The following RHOBTB1 variants were observed in gnomAD, a reference collection of about 807,000 sequenced individuals.
RHOBTB1 encodes the protein Rho related BTB domain containing 1, also known as rho-related BTB domain-containing protein 1.
A neutral mutation model predicts 71.6 loss-of-function variants in RHOBTB1; 40 were observed. The ratio of observed to expected loss-of-function variants is 0.56; its 90% CI spans 0.43 to 0.73. The LOEUF is 0.73. Ranked by LOEUF, RHOBTB1 falls within the 30% of genes least tolerant of loss-of-function variation. The probability of loss-of-function intolerance (pLI) is 0.00; values close to 1 mark genes in which losing one functional copy is unlikely to be tolerated. For synonymous variants in RHOBTB1, 319 were observed against 334.9 expected (o/e 0.95, Z 0.52); for missense variants, 797 against 894.0 (o/e 0.89, Z 1.38).
intron 7 of RHOBTB1, among the ~76,000 whole-genome samples, chr10:60,880,734 A>T (rs2081290991): frequency 6.6e-6 from 1 of 152,168 alleles, no homozygotes; most frequent in Admixed American, 6.5e-5. Context: ...TTGGAACATT[A>T]TTCTTCCCTT....
At chr10:60,887,289 T>A (rs1048149045) in intron 6 of RHOBTB1, among the ~76,000 whole-genome samples, 6 of 152,222 alleles carry the variant, frequency 3.9e-5, no homozygotes, top group Non-Finnish European at 7.3e-5. Context: ...AGCTTTAAAA[T>A]GAATGAACTG....
chr10:60,983,438 C>G (rs1217306010), intron 2 of RHOBTB1, among the ~76,000 whole-genome samples: 1 of 152,068 alleles, frequency 6.6e-6, no homozygotes, highest in East Asian at 1.9e-4. Context: ...AAGATGAGAA[C>G]AAAAGCACAT....
chr10:60,872,343 C>G, intron 9 of RHOBTB1, 53 bp from the exon 10 acceptor site: 1 of 1,306,396 alleles, frequency 7.7e-7, no homozygotes, highest in Non-Finnish European at 1.1e-6. Flanking sequence ...AGAGGGGCTA[C>G]AAAGAAATTG....
At chr10:60,975,205 A>G (rs1404503050) in intron 2 of RHOBTB1, among the ~76,000 whole-genome samples, 1 of 152,090 alleles carries the variant, frequency 6.6e-6, no homozygotes, top group Non-Finnish European at 1.5e-5. Flanking sequence ...TGAACTGGTT[A>G]CCAAGTTAGT....
intron 2 of RHOBTB1, among the ~76,000 whole-genome samples, chr10:60,978,012 C>T (rs987804232): frequency 5.3e-5 from 8 of 151,816 alleles, no homozygotes; most frequent in Admixed American, 2.0e-4. Flanking sequence ...AATAAAATGC[C>T]GATATATTTT....
chr10:60,972,375 G>T (rs1354288869), intron 2 of RHOBTB1, among the ~76,000 whole-genome samples: 3 of 152,134 alleles, frequency 2.0e-5, no homozygotes, highest in African/African-American at 7.2e-5. Flanking sequence ...ATGAGTTCCT[G>T]TCTTTTGCAG....
Position 60,875,042 on chromosome 10 carries a change from T to C in RHOBTB1, c.1727A>G (p.Glu576Gly). 6.2e-7 allele frequency: 1 copy of C among 1,613,664 alleles called. No homozygotes were observed. Among genetic ancestry groups the C allele is most frequent in the Non-Finnish European group, 8.5e-7 (1 of 1,179,636 alleles). The part of the protein sequence containing the change: ...FCLPHLVALA[E>G]QHAVQELTKA... ...GGTCAACTCCTGAACGGCATGCTGT[T>C]CTGGGGAAGAGAGAGGGGGCAGGAG... is the stretch of plus-strand genomic sequence containing the variant. The change falls in exon 9 of 11, where the codon GAA becomes GGA. Residue 576 changes from glutamate (E) to glycine (G), a missense_variant and splice_region_variant. Glu to Gly is a moderately conservative substitution (Grantham distance 98). Around this residue, in one of 2 missense-constraint regions of RHOBTB1, gnomAD observed 658 missense variants for 681.5 expected, o/e 0.97. Coordinates refer to ENST00000337910, the MANE Select transcript of RHOBTB1 (RefSeq NM_014836.5).
rs1321602493 is a variant in RHOBTB1, at chr10:60,889,127, G to A, written c.541C>T (p.Leu181Phe). The change falls in exon 6 of 11, where the codon CTT (leucine) becomes TTT (phenylalanine). Residue 181 changes from leucine to phenylalanine, a missense_variant. Leu to Phe is a conservative substitution (Grantham distance 22, BLOSUM62 0). Transcript: ENST00000337910. ...PEKGREVAKE[L>F]GLPYYETSVF... is the part of the protein sequence containing the mutation. ...CTTGTTTCATAGTATGGTAAGCCAA[G>A]TTCCTTTGCTACCTCTCGGCCTTTT... is the stretch of plus-strand genomic sequence containing the variant. 6.8e-6 allele frequency: 11 copies of A among 1,613,918 alleles called. No homozygotes were observed. The highest frequency in any genetic ancestry group is 8.5e-6 in the Non-Finnish European group (10 of 1,179,964).
intron 2 of RHOBTB1, among the ~76,000 whole-genome samples, chr10:60,973,580 A>AT (rs2086229667): frequency 6.6e-6 from 1 of 152,070 alleles, no homozygotes; most frequent in Non-Finnish European, 1.5e-5. Context: ...ATTCAAAAGA[A>AT]ACAACACCAA....
At chr10:60,878,680 G>C (rs1408154461) in intron 7 of RHOBTB1, among the ~76,000 whole-genome samples, 1 of 152,236 alleles carries the variant, frequency 6.6e-6, no homozygotes, top group East Asian at 1.9e-4. Context: ...CTCCTTGCTT[G>C]GGACTTCCAG....
At position 60,954,974 on chromosome 10, in the gene RHOBTB1, A is replaced by G. The variant is rs749359306; in HGVS notation, c.-61-13120T>C. On this transcript the variant is annotated intron_variant, in intron 2 of 11. Transcript: ENST00000357917. ...TGTGAAAGTAAATTATGCATTTATA[A>G]GAGGGAAATAGTCCACTTTGAGCTA... 1.3e-4 allele frequency among the ~76,000 whole-genome samples: 19 copies of G among 151,830 alleles called. 1 individual carries two copies. Among genetic ancestry groups the G allele is most frequent in the Non-Finnish European group, 2.5e-4 (17 of 67,962 alleles).
intron 1 of RHOBTB1, among the ~76,000 whole-genome samples, chr10:60,943,338 C>T (rs1240915970): frequency 1.3e-5 from 2 of 152,194 alleles, no homozygotes; most frequent in Admixed American, 1.3e-4. Context: ...TTTCGGGGGG[C>T]AGAGGGCTGG....
downstream of RHOBTB1, among the ~76,000 whole-genome samples, chr10:60,869,098 C>T (rs925478162): frequency 5.9e-5 from 9 of 152,240 alleles, no homozygotes; most frequent in African/African-American, 2.2e-4. Flanking sequence ...AGACCTATCA[C>T]TCAACTGCTG....
chr10:60,872,160 G>T, intron 10 of RHOBTB1, 25 bp downstream of exon 10: 1 of 1,504,940 alleles, frequency 6.6e-7, no homozygotes, highest in Non-Finnish European at 9.3e-7. Flanking sequence ...AGAGCTGGAT[G>T]AATGGGGGCC....
chr10:60,947,963 C>T (rs2085292128), upstream of RHOBTB1, among the ~76,000 whole-genome samples: 1 of 152,184 alleles, frequency 6.6e-6, no homozygotes, highest in Admixed American at 6.5e-5. Context: ...CACATCCTCA[C>T]TAGCATTTGT....
At chr10:60,964,546 A>T (rs1326533015) in intron 2 of RHOBTB1, among the ~76,000 whole-genome samples, 1 of 152,170 alleles carries the variant, frequency 6.6e-6, no homozygotes, top group Non-Finnish European at 1.5e-5. Flanking sequence ...CTCTTGCCAG[A>T]TAAAAATTTC....
intron 8 of RHOBTB1, among the ~76,000 whole-genome samples, chr10:60,875,900 G>A (rs1370960342): frequency 4.6e-5 from 7 of 152,178 alleles, no homozygotes; most frequent in Admixed American, 3.3e-4. Context: ...GTACAGCCTT[G>A]GCTCAGCATT....
chr10:60,884,132 T>A (rs959736406), intron 7 of RHOBTB1, among the ~76,000 whole-genome samples: 1 of 152,194 alleles, frequency 6.6e-6, no homozygotes, highest in African/African-American at 2.4e-5. Flanking sequence ...AGCTGCAGTT[T>A]GTTATGGGTG....
chr10:60,915,750 G>A (rs2083237173), intron 2 of RHOBTB1, among the ~76,000 whole-genome samples: 1 of 152,156 alleles, frequency 6.6e-6, no homozygotes, highest in African/African-American at 2.4e-5. Context: ...CATCTGGTCT[G>A]ATCATCCTAT....
Sources: gnomAD v4.1 joint callset for allele counts (sites outside exome capture counted in the v4.1 genomes callset) on GRCh38, gnomAD v4.1.1 for gene constraint, gnomAD v4.1.1 regional missense constraint, MANE v1.5 for transcripts, NCBI Gene and HGNC (gene_info 2026-07-23, HGNC 2026-07-21) for gene names.